The following GNA14 variants were observed in gnomAD, a reference collection of about 807,000 sequenced individuals.
The protein encoded by GNA14 is G protein subunit alpha 14.
Under a neutral mutation model 42.0 loss-of-function variants are expected in GNA14, and 50 were observed. That is an observed-to-expected ratio of 1.19 (90% CI 0.95 to 1.51). The LOEUF (loss-of-function observed/expected upper bound fraction) is 1.51, where lower values mean the gene tolerates loss of function less well. GNA14 is among the 40% of genes most tolerant of loss of function. The pLI, the probability that GNA14 is intolerant of heterozygous loss-of-function variation, is 0.00. For missense variants in GNA14, 473 were observed against 446.2 expected, an observed-to-expected ratio of 1.06 and a Z score of -0.54; for synonymous variants, 173 against 163.1, an observed-to-expected ratio of 1.06 and a Z score of -0.46.
At chr9:77,515,960 CAA>C (rs1158448237) in intron 2 of GNA14, among the ~76,000 whole-genome samples, 1,914 of 52,638 alleles carry the variant, frequency 0.036, 23 homozygotes, top group African/African-American at 0.083. Flanking sequence ...CCCTGTCTCA[CAA>C]AAAAAAAAAA....
Position 77,459,239 on chromosome 9 carries a change from GAAAAAAAA to G in GNA14, c.310-24725_310-24718del, listed in dbSNP as rs1554689078. ...CGACAGAGTGAGACCCAGTCTCAGG[GAAAAAAAA>G]GAAAAAAAAGAAAAAAGGCTAAAAT... On this transcript the variant is annotated intron_variant, in intron 2 of 6. Transcript: ENST00000341700. Among the ~76,000 whole-genome samples the G allele has an allele frequency of 1.2e-4, 9 of 74,328 alleles. No individual in the cohort carries two copies. In the South Asian group the frequency reaches 2.3e-3, roughly 19 times the overall value. The allele number at this position is 74,328 out of a possible 152,430, so 48.8% of individuals were successfully genotyped here.
At chr9:77,501,240 C>T (rs1371664483) in intron 2 of GNA14, among the ~76,000 whole-genome samples, 3 of 152,178 alleles carry the variant, frequency 2.0e-5, no homozygotes, top group Non-Finnish European at 4.4e-5. Flanking sequence ...CAGGTGTGAG[C>T]CACCACGCCC....
intron 1 of GNA14, among the ~76,000 whole-genome samples, chr9:77,628,797 C>G (rs1824052346): frequency 6.6e-6 from 1 of 152,056 alleles, no homozygotes; most frequent in African/African-American, 2.4e-5. Flanking sequence ...AGAAGAAAAC[C>G]TAGGCAATAC....
Position 77,425,551 on chromosome 9 carries a change from T to C in GNA14, c.877+11A>G, listed in dbSNP as rs763145469. 29 of 1,590,766 alleles carry C rather than the reference T, an allele frequency of 1.8e-5. No individual in the cohort carries two copies. The highest frequency in any genetic ancestry group is 1.7e-4 in the Middle Eastern group (1 of 5,960). ...AGCACAGAAAACACTGTCCACAAGATAGACACTTACCTGTGTATTCTGGGA... is the reference window on the plus strand; with the variant it reads ...AGCACAGAAAACACTGTCCACAAGACAGACACTTACCTGTGTATTCTGGGA... On this transcript the variant is annotated intron_variant, in intron 6 of 6. Transcript: ENST00000341700.
At chr9:77,516,306 C>CT (rs1837256693) in intron 2 of GNA14, among the ~76,000 whole-genome samples, 1 of 152,166 alleles carries the variant, frequency 6.6e-6, no homozygotes, top group South Asian at 2.1e-4. Context: ...GTCTCCTTGT[C>CT]TAAGTTTCCT....
chr9:77,582,706 A>T (rs1482720737), intron 1 of GNA14, among the ~76,000 whole-genome samples: 1 of 152,190 alleles, frequency 6.6e-6, no homozygotes, highest in Admixed American at 6.5e-5. Flanking sequence ...ACCTCCTGTC[A>T]TCGGTCTGAT....
chr9:77,646,436 A>AGGGGCACAC, intron 1 of GNA14, among the ~76,000 whole-genome samples: 1 of 145,426 alleles, frequency 6.9e-6, no homozygotes, highest in South Asian at 2.2e-4. Flanking sequence ...GGAGGGGCAC[A>AGGGGCACAC]CCCCCCCCCA....
chr9:77,451,097 C>A (rs1174002921), intron 2 of GNA14, among the ~76,000 whole-genome samples: 3 of 152,084 alleles, frequency 2.0e-5, no homozygotes, highest in Admixed American at 2.0e-4. Flanking sequence ...TATAGTGTGA[C>A]CATAAGAATG....
At position 77,608,666 on chromosome 9, in the gene GNA14, T is replaced by C. The variant is rs186474547; in HGVS notation, c.124+39004A>G. On this transcript the variant is annotated intron_variant, in intron 1 of 6. Coordinates refer to ENST00000341700, the MANE Select transcript of GNA14 (RefSeq NM_004297.4). ...ATTATTCTTCCCTTTTCTTGAAAGA[T>C]AAAGCATGTTCACAGCCAAATGGCC... is the stretch of plus-strand genomic sequence containing the variant. Among the ~76,000 whole-genome samples the C allele has an allele frequency of 4.0e-5, 6 of 151,374 alleles. No individual in the cohort carries two copies. The East Asian group carries it at 1.2e-3, about 29-fold the overall frequency.
intron 2 of GNA14, among the ~76,000 whole-genome samples, chr9:77,481,594 T>C (rs1836553416): frequency 6.6e-6 from 1 of 152,214 alleles, no homozygotes; most frequent in Non-Finnish European, 1.5e-5. Context: ...GTTCAATTCC[T>C]GGGTATCCTT....
chr9:77,569,282 T>TA (rs1823023452), intron 1 of GNA14, among the ~76,000 whole-genome samples: 7 of 152,058 alleles, frequency 4.6e-5, no homozygotes, highest in Admixed American at 4.6e-4. Context: ...ACATGGTAAC[T>TA]AGCAAGGGGG....
At chr9:77,516,736 C>A (rs1267508320) in intron 2 of GNA14, among the ~76,000 whole-genome samples, 1 of 74,600 alleles carries the variant, frequency 1.3e-5, no homozygotes, top group Non-Finnish European at 2.6e-5. Context: ...GGGTGGGGGG[C>A]GGTAGGGGGC....
chr9:77,647,312 TG>T (rs1362731239), intron 1 of GNA14, among the ~76,000 whole-genome samples: 1 of 152,100 alleles, frequency 6.6e-6, no homozygotes, highest in African/African-American at 2.4e-5. Flanking sequence ...GAACCCAAGA[TG>T]TGGGTCACCA....
At chr9:77,625,240 A>C (rs968096050) in intron 1 of GNA14, among the ~76,000 whole-genome samples, 1 of 152,070 alleles carries the variant, frequency 6.6e-6, no homozygotes, top group African/African-American at 2.4e-5. Context: ...AAGAAATATG[A>C]GACTATGTGA....
intron 2 of GNA14, among the ~76,000 whole-genome samples, chr9:77,444,004 G>C (rs1052269798): frequency 6.6e-6 from 1 of 152,084 alleles, no homozygotes; most frequent in Non-Finnish European, 1.5e-5. Context: ...ACTTCAGTGT[G>C]TTTCACTAAA....
chr9:77,617,519 G>A (rs1394143067), intron 1 of GNA14, among the ~76,000 whole-genome samples: 1 of 152,024 alleles, frequency 6.6e-6, no homozygotes, highest in Non-Finnish European at 1.5e-5. Context: ...CAGGTCACCT[G>A]GACATTCCAT....
At chr9:77,452,774 G>A (rs1343125460) in intron 2 of GNA14, among the ~76,000 whole-genome samples, 1 of 151,122 alleles carries the variant, frequency 6.6e-6, no homozygotes, top group Admixed American at 6.6e-5. Context: ...ATTAAGGAGT[G>A]GGGCTTCTGA....
At chr9:77,559,025 G>C (rs1324346639) in intron 1 of GNA14, among the ~76,000 whole-genome samples, 2 of 152,032 alleles carry the variant, frequency 1.3e-5, no homozygotes, top group African/African-American at 2.4e-5. Context: ...TCGTTGGCTG[G>C]CTTTGTTTTT....
At chr9:77,647,549 G>T in intron 1 of GNA14, 121 bp downstream of exon 1, 2 of 1,126,396 alleles carry the variant, frequency 1.8e-6, no homozygotes, top group East Asian at 2.7e-5. Context: ...CCGAGGGGGA[G>T]AAGGACGAAG....
Sources: allele counts gnomAD v4.1 joint callset (sites outside exome capture counted in the v4.1 genomes callset), GRCh38; gene constraint gnomAD v4.1.1; transcripts MANE v1.5; gene names NCBI Gene and HGNC (gene_info 2026-07-23, HGNC 2026-07-21).